Variants in OR2T27 observed in about 807,000 individuals in gnomAD.
The protein encoded by OR2T27 is olfactory receptor family 2 subfamily T member 27.
For synonymous variants in OR2T27, 51 were observed against 152.9 expected, an observed-to-expected ratio of 0.33 and a Z score of 4.92; for missense variants, 152 against 397.2, an observed-to-expected ratio of 0.38 and a Z score of 5.25.
Position 248,649,936 on chromosome 1 carries a change from A to G in OR2T27, c.949T>C (p.Phe317Leu). Residue 317 changes from phenylalanine to leucine, a missense_variant, in exon 2 of 2, where the codon TTC becomes CTC. Physicochemically the swap from Phe to Leu is conservative, Grantham distance 22. Coordinates refer to ENST00000460972, the MANE Select transcript of OR2T27 (RefSeq NM_001001824.2). ...TAGCAGCATATGAAATTTCTTTAGA[A>G]AGTGGTTACCTTTCCTGAGGACACA... ...RCVSSGKVTT[F>L] 6.4e-7 allele frequency: 1 copy of G among 1,558,536 alleles called. No individual in the cohort carries two copies. Among genetic ancestry groups the G allele is most frequent in the Non-Finnish European group, 8.8e-7 (1 of 1,137,802 alleles).
chr1:248,652,026 A>T (rs1661029255), intron 1 of OR2T27, among the ~76,000 whole-genome samples: 1 of 151,466 alleles, frequency 6.6e-6, no homozygotes, highest in South Asian at 2.1e-4. Flanking sequence ...TTACTAGAAA[A>T]TTTAGAATTC....
At chr1:248,653,516 T>C (rs77230116) in intron 1 of OR2T27, among the ~76,000 whole-genome samples, 43,591 of 62,430 alleles carry the variant, frequency 0.7, 19,062 homozygotes, top group East Asian at 1. Context: ...TTGGTTCACA[T>C]TCACGTTGTT....
intron 1 of OR2T27, among the ~76,000 whole-genome samples, chr1:248,653,155 A>T (rs1572115528): frequency 7.0e-6 from 1 of 142,030 alleles, no homozygotes; most frequent in African/African-American, 2.5e-5. Context: ...GACCATGAAT[A>T]CTCCTGGCCC....
chr1:248,652,244 A>G (rs1207171223), intron 1 of OR2T27, among the ~76,000 whole-genome samples: 2 of 151,568 alleles, frequency 1.3e-5, no homozygotes, highest in Non-Finnish European at 2.9e-5. Context: ...CAGTAAGAAC[A>G]TTAATAAGTG....
chr1:248,650,201 C>T lies in OR2T27; in HGVS notation c.684G>A (p.Met228Ile). 6.5e-7 allele frequency: 1 copy of T among 1,530,150 alleles called. No individual in the cohort carries two copies. The highest frequency in any genetic ancestry group is 2.4e-5 in the East Asian group (1 of 42,464). The allele number at this position is 1,530,150 out of a possible 1,614,324, so 94.8% of individuals were successfully genotyped here. A position where few individuals can be genotyped will look rare whatever the true frequency, so the allele number is the denominator to read the frequency against. ...YTRILITVYR[M>I]SEAEGRGKAV... ...CCTTTCCCCTCCCCTCTGCCTCGCT[C>T]ATCCTATAAACAGTAATGAGAATTC... Residue 228 changes from methionine to isoleucine, a missense_variant, in exon 2 of 2, where the codon ATG becomes ATA. Physicochemically the swap from Met to Ile is conservative, Grantham distance 10. Transcript: ENST00000460972.
At chr1:248,652,186 C>CA (rs1661033938) in intron 1 of OR2T27, among the ~76,000 whole-genome samples, 42 of 150,818 alleles carry the variant, frequency 2.8e-4, no homozygotes, top group Admixed American at 2.6e-3. Flanking sequence ...AGGTGTGTAC[C>CA]AAATTAGAAA....
At chr1:248,652,915 C>T (rs1356334596) in intron 1 of OR2T27, among the ~76,000 whole-genome samples, 15 of 146,028 alleles carry the variant, frequency 1.0e-4, no homozygotes, top group Admixed American at 7.8e-4. Context: ...AGTAGCAATT[C>T]GTATGATGGA....
rs533385063 is a variant in OR2T27 at position 248,649,989 on chromosome 1, C to A, written c.896G>T (p.Gly299Val). The change falls in exon 2 of 2, where the codon GGG (glycine) becomes GTG (valine). Residue 299 changes from glycine (G) to valine (V), a missense_variant. By Grantham distance (109) the Gly-to-Val change is moderately radical. Coordinates refer to ENST00000460972, the MANE Select transcript of OR2T27 (RefSeq NM_001001824.2). Reference sequence around the variant, plus strand: ...CCTCCCCACAACCTTCTGTAGGGCCCCTGTGACATCCTTGTTCCTAAGGCT... The same window carrying A: ...CCTCCCCACAACCTTCTGTAGGGCCACTGTGACATCCTTGTTCCTAAGGCT... Reference protein sequence around the residue: ...IYSLRNKDVTGALQKVVGRCV... With the variant: ...IYSLRNKDVTVALQKVVGRCV... The A allele has an allele frequency of 7.6e-5, 120 of 1,577,538 alleles. 8 individuals are homozygous for A. In the African/African-American group the frequency reaches 1.6e-3, roughly 22 times the overall value.
chr1:248,652,996 T>A (rs568815575), intron 1 of OR2T27, among the ~76,000 whole-genome samples: 104 of 97,378 alleles, frequency 1.1e-3, no homozygotes, highest in African/African-American at 2.7e-3. Flanking sequence ...AGGGCCGTGC[T>A]TGTTATTTCA....
intron 1 of OR2T27, among the ~76,000 whole-genome samples, chr1:248,652,474 G>T (rs1661041848): frequency 7.6e-6 from 1 of 132,218 alleles, no homozygotes; most frequent in South Asian, 2.9e-4. Context: ...TTGATATTCT[G>T]AAAGGCCCTG....
rs1661017965 is a variant in OR2T27, at chr1:248,651,469, A to AG, written c.-4-582dup. On this transcript the variant is annotated intron_variant, in intron 1 of 1. Transcript: ENST00000460972. ...CAGAATGAGCCTGTGTTGAATAAAA[A>AG]GAGCTGAGTTCTGAGAAGTCATCCA... 2 of 70,996 alleles carry AG rather than the reference A, an allele frequency of 2.8e-5. 1 individual carries two copies. Among genetic ancestry groups the AG allele is most frequent in the Admixed American group, 4.2e-4 (2 of 4,796 alleles). The allele number at this position is 70,996 out of a possible 1,614,324, so 4.4% of individuals were successfully genotyped here. A position where few individuals can be genotyped will look rare whatever the true frequency, so the allele number is the denominator to read the frequency against.
chr1:248,652,772 C>T (rs1332480252), intron 1 of OR2T27, among the ~76,000 whole-genome samples: 7 of 141,432 alleles, frequency 4.9e-5, no homozygotes, highest in Non-Finnish European at 1.1e-4. Flanking sequence ...ACATTATATC[C>T]TTATGCATTT....
chr1:248,650,659 T>TG lies in OR2T27; in HGVS notation c.225dup (p.Thr76HisfsTer36), dbSNP rs1660994600. On this transcript the variant is annotated frameshift_variant, in exon 2 of 2. Transcript: ENST00000460972. LOFTEE classifies it low-confidence loss of function (END_TRUNC). ...TCGACCAGCATTTTGGGCACAATGG[T>TG]GGAAATATACAGGATGTCCCTGAGG... 1 of 1,503,284 alleles carries TG rather than the reference T, an allele frequency of 6.7e-7. No homozygotes were observed. The highest frequency in any genetic ancestry group is 1.4e-5 in the African/African-American group (1 of 72,290). The allele number at this position is 1,503,284 out of a possible 1,614,324, so 93.1% of individuals were successfully genotyped here. A position where few individuals can be genotyped will look rare whatever the true frequency, so the allele number is the denominator to read the frequency against.
rs2103118055 is a variant in OR2T27 at position 248,655,483 on chromosome 1, TTA to T, written c.-46_-45del. ...TCCCCAAACACGATGATCTGAATAT[TTA>T]GAGAGAAACCTTACAGAACTAAGGT... is the stretch of plus-strand genomic sequence containing the variant. On this transcript the variant is annotated 5_prime_UTR_variant, in exon 1 of 2. Transcript: ENST00000460972. 1.2e-5 allele frequency: 1 copy of T among 86,924 alleles called. No homozygotes were observed. Among genetic ancestry groups the T allele is most frequent in the South Asian group, 7.9e-4 (1 of 1,264 alleles). 5.4% of individuals were successfully genotyped at this position (86,924 alleles called of 1,614,324 possible).
intron 1 of OR2T27, among the ~76,000 whole-genome samples, chr1:248,651,779 G>C (rs1193086042): frequency 3.0e-5 from 2 of 65,690 alleles, no homozygotes; most frequent in Non-Finnish European, 1.1e-4. Context: ...GCTTCTCCCT[G>C]CATCATATAG....
chr1:248,652,186 C>A (rs1399452029), intron 1 of OR2T27, among the ~76,000 whole-genome samples: 6 of 150,818 alleles, frequency 4.0e-5, no homozygotes, highest in African/African-American at 1.5e-4. Context: ...AGGTGTGTAC[C>A]AAATTAGAAA....
At chr1:248,652,124 C>G (rs1392024006) in intron 1 of OR2T27, among the ~76,000 whole-genome samples, 1 of 151,928 alleles carries the variant, frequency 6.6e-6, no homozygotes, top group African/African-American at 2.4e-5. Context: ...TTCATCCAAA[C>G]AAGTCCTCCA....
chr1:248,650,030 G>C lies in OR2T27; in HGVS notation c.855C>G (p.Leu285=). The change falls in exon 2 of 2, where the codon CTC becomes CTG. Residue 285 remains leucine, a synonymous_variant. Coordinates refer to ENST00000460972, the MANE Select transcript of OR2T27 (RefSeq NM_001001824.2). Reference sequence around the variant, plus strand: ...TCCTAAGGCTGTAAATGAGTGGATTGAGCATGGGAGTAAGGATGGTGTAGA... The same window carrying C: ...TCCTAAGGCTGTAAATGAGTGGATTCAGCATGGGAGTAAGGATGGTGTAGA... ...SAFYTILTPM[L]NPLIYSLRNK... is the part of the protein sequence containing the mutation. The C allele has an allele frequency of 1.3e-6, 2 of 1,577,140 alleles. 1 individual carries two copies. Among genetic ancestry groups the C allele is most frequent in the South Asian group, 2.3e-5 (2 of 88,848 alleles).
intron 1 of OR2T27, among the ~76,000 whole-genome samples, chr1:248,652,836 C>T (rs1226175931): frequency 6.6e-6 from 1 of 150,426 alleles, no homozygotes; most frequent in Non-Finnish European, 1.5e-5. Context: ...TTTCCATCAG[C>T]TGATTTATAA....
Sources: gnomAD v4.1 joint callset for allele counts (sites outside exome capture counted in the v4.1 genomes callset) on GRCh38, gnomAD v4.1.1 for gene constraint, MANE v1.5 for transcripts, NCBI Gene and HGNC (gene_info 2026-07-23, HGNC 2026-07-21) for gene names.